The following CHCHD6 variants were observed in gnomAD, a reference collection of about 807,000 sequenced individuals.
CHCHD6 encodes coiled-coil-helix-coiled-coil-helix domain containing 6, also known as MICOS complex subunit MIC25.
In CHCHD6, 28 loss-of-function variants were observed where a neutral mutation model predicts 32.3. The observed-to-expected ratio is 0.87, with a 90% CI of 0.64 to 1.19. CHCHD6 has a LOEUF of 1.19. Ranked by LOEUF, CHCHD6 falls within the 50% of genes most tolerant of loss-of-function variation. CHCHD6 has a pLI of 0.00. For missense variants in CHCHD6, 333 were observed against 307.0 expected (o/e 1.08, Z -0.63); for synonymous variants, 122 against 117.5 (o/e 1.04, Z -0.25).
intron 6 of CHCHD6, among the ~76,000 whole-genome samples, chr3:126,940,069 G>A (rs1347229950): frequency 1.3e-5 from 2 of 152,176 alleles, no homozygotes; most frequent in Admixed American, 6.5e-5. Context: ...GAGGAAGGAT[G>A]TAAAATATTC....
intron 5 of CHCHD6, among the ~76,000 whole-genome samples, chr3:126,862,700 T>C (rs867719679): frequency 3.1e-4 from 9 of 29,162 alleles, no homozygotes; most frequent in East Asian, 1.3e-3. Flanking sequence ...TCCTCCACCA[T>C]CACCACCTCC....
intron 4 of CHCHD6, among the ~76,000 whole-genome samples, chr3:126,779,635 G>A (rs76200205): frequency 1.3e-5 from 2 of 152,020 alleles, no homozygotes; most frequent in East Asian, 3.9e-4. Flanking sequence ...GTAAGACAGA[G>A]GTCTAAATCC....
At chr3:126,762,679 T>A (rs1307664865) in intron 4 of CHCHD6, among the ~76,000 whole-genome samples, 1 of 152,232 alleles carries the variant, frequency 6.6e-6, no homozygotes, top group Non-Finnish European at 1.5e-5. Flanking sequence ...GGTATTGAAA[T>A]CTTGAACTTT....
intron 4 of CHCHD6, among the ~76,000 whole-genome samples, chr3:126,746,372 T>G (rs1055090822): frequency 6.6e-6 from 1 of 152,186 alleles, no homozygotes; most frequent in African/African-American, 2.4e-5. Flanking sequence ...ATTGGGTGCC[T>G]TCCCTAACAC....
intron 5 of CHCHD6, among the ~76,000 whole-genome samples, chr3:126,879,548 T>C (rs2077580858): frequency 6.6e-6 from 1 of 152,228 alleles, no homozygotes; most frequent in Non-Finnish European, 1.5e-5. Flanking sequence ...CTTCAAAAGT[T>C]ATCAGTTTCA....
At chr3:126,939,910 A>G (rs2078535259) in intron 6 of CHCHD6, among the ~76,000 whole-genome samples, 1 of 152,136 alleles carries the variant, frequency 6.6e-6, no homozygotes, top group Admixed American at 6.5e-5. Flanking sequence ...GATTATTAGA[A>G]GATGACGTGT....
chr3:126,931,466 G>C (rs997289560), intron 6 of CHCHD6, among the ~76,000 whole-genome samples: 3 of 152,144 alleles, frequency 2.0e-5, no homozygotes, highest in Admixed American at 2.0e-4. Flanking sequence ...AGGGCAGCCT[G>C]CTCCCTGTTA....
chr3:126,944,813 C>T (rs1049364431), intron 6 of CHCHD6, among the ~76,000 whole-genome samples: 2 of 152,184 alleles, frequency 1.3e-5, no homozygotes, highest in African/African-American at 4.8e-5. Context: ...CCCAGTGGCC[C>T]AGGCGTGGGG....
At chr3:126,865,779 C>A (rs1942269296) in intron 5 of CHCHD6, 1 of 967,268 alleles carries the variant, frequency 1.0e-6, no homozygotes, top group Non-Finnish European at 1.2e-6. Context: ...TCAGTCTCAT[C>A]TACTACTTTG....
chr3:126,719,331 T>A (rs748015049), intron 1 of CHCHD6, among the ~76,000 whole-genome samples: 56 of 152,320 alleles, frequency 3.7e-4, no homozygotes, highest in Middle Eastern at 3.4e-3. Context: ...TGGGCGGGCG[T>A]CTTAACAGGA....
intron 4 of CHCHD6, among the ~76,000 whole-genome samples, chr3:126,772,002 T>C (rs796672866): frequency 8.0e-5 from 12 of 150,460 alleles, no homozygotes; most frequent in African/African-American, 3.0e-4. Context: ...GTCCAGGTCT[T>C]GAGTATCTTT....
At chr3:126,740,859 T>C (rs1936261995) in intron 4 of CHCHD6, among the ~76,000 whole-genome samples, 1 of 152,226 alleles carries the variant, frequency 6.6e-6, no homozygotes, top group Non-Finnish European at 1.5e-5. Flanking sequence ...TTAATCCTTT[T>C]AGTTGATCAC....
chr3:126,904,487 G>T (rs1054136851), intron 5 of CHCHD6, among the ~76,000 whole-genome samples: 1 of 152,224 alleles, frequency 6.6e-6, no homozygotes, highest in Non-Finnish European at 1.5e-5. Context: ...TAAAAAGCCT[G>T]TGCGGCTATT....
intron 1 of CHCHD6, among the ~76,000 whole-genome samples, chr3:126,711,577 A>G (rs2107649898): frequency 6.6e-6 from 1 of 152,366 alleles, no homozygotes; most frequent in African/African-American, 2.4e-5. Context: ...TGTGGGAAAC[A>G]GAAGATCCCA....
chr3:126,781,501 G>T (rs188508564), intron 4 of CHCHD6, among the ~76,000 whole-genome samples: 2 of 152,204 alleles, frequency 1.3e-5, no homozygotes, highest in East Asian at 3.9e-4. Flanking sequence ...GTTGCAATCT[G>T]CTTGTTAGAA....
At chr3:126,840,941 T>A (rs1271120343) in intron 4 of CHCHD6, among the ~76,000 whole-genome samples, 2 of 152,098 alleles carry the variant, frequency 1.3e-5, no homozygotes, top group African/African-American at 4.8e-5. Flanking sequence ...ATGTGCACAT[T>A]GTGCAGGTTA....
At chr3:126,865,169 T>TTCC (rs1254463619) in intron 5 of CHCHD6, among the ~76,000 whole-genome samples, 49 of 62,614 alleles carry the variant, frequency 7.8e-4, no homozygotes, top group South Asian at 1.2e-3. Flanking sequence ...CCTCCACTTC[T>TTCC]TCCTCCTCCT....
chr3:126,780,061 G>A (rs1937858439), intron 4 of CHCHD6, among the ~76,000 whole-genome samples: 1 of 152,180 alleles, frequency 6.6e-6, no homozygotes, highest in Non-Finnish European at 1.5e-5. Flanking sequence ...ACTGTAGTAA[G>A]CAAATCGTAT....
At chr3:126,790,692 C>G (rs2107685631) in intron 4 of CHCHD6, among the ~76,000 whole-genome samples, 1 of 152,286 alleles carries the variant, frequency 6.6e-6, no homozygotes, top group Admixed American at 6.5e-5. Context: ...TTAAGGCCTT[C>G]TCTACATTGG....
Sources: gnomAD v4.1 joint callset for allele counts (sites outside exome capture counted in the v4.1 genomes callset) on GRCh38, gnomAD v4.1.1 for gene constraint, MANE v1.5 for transcripts, NCBI Gene and HGNC (gene_info 2026-07-23, HGNC 2026-07-21) for gene names.